The following DLGAP2 variants were observed in gnomAD, a reference collection of about 807,000 sequenced individuals.
The protein encoded by DLGAP2 is DLG associated protein 2.
In DLGAP2, 26 loss-of-function variants were observed where a neutral mutation model predicts 100.3. The observed-to-expected ratio is 0.26, with a 90% CI of 0.19 to 0.36. DLGAP2 has a LOEUF of 0.36. DLGAP2 is among the 10% of genes least tolerant of loss of function. The pLI is 1.00. For missense variants in DLGAP2, 1,858 were observed against 1,453.2 expected (o/e 1.28, Z -4.53); for synonymous variants, 886 against 630.1 (o/e 1.41, Z -6.08).
chr8:1,524,724 C>T (rs900075637), intron 4 of DLGAP2, among the ~76,000 whole-genome samples: 3 of 152,272 alleles, frequency 2.0e-5, no homozygotes, highest in Admixed American at 1.3e-4. Context: ...TGACGTCACA[C>T]AGTGAGAGGG....
chr8:1,500,235 C>T (rs1207422842), intron 3 of DLGAP2, among the ~76,000 whole-genome samples: 1 of 152,272 alleles, frequency 6.6e-6, no homozygotes. Context: ...TCCCTGCCCC[C>T]CTCCTCAGGC....
intron 2 of DLGAP2, among the ~76,000 whole-genome samples, chr8:1,107,859 C>G (rs889896578): frequency 2.6e-5 from 4 of 152,192 alleles, no homozygotes; most frequent in African/African-American, 7.2e-5. Flanking sequence ...CCACCCTAAG[C>G]TGACAAATGT....
chr8:1,530,094 AG>A (rs1044321484), intron 4 of DLGAP2, among the ~76,000 whole-genome samples: 8 of 152,200 alleles, frequency 5.3e-5, no homozygotes, highest in Admixed American at 1.3e-4. Context: ...ATCAGGAGAC[AG>A]GGTTTTGAGA....
chr8:1,206,906 C>T (rs760596346), intron 2 of DLGAP2, among the ~76,000 whole-genome samples: 54 of 152,216 alleles, frequency 3.5e-4, no homozygotes, highest in African/African-American at 1.1e-3. Flanking sequence ...CCCCCGGCCC[C>T]GTCTCCATCC....
chr8:768,403 G>A (rs1821268541), intron 1 of DLGAP2, among the ~76,000 whole-genome samples: 1 of 151,272 alleles, frequency 6.6e-6, no homozygotes, highest in Non-Finnish European at 1.5e-5. Context: ...GCATGAACCA[G>A]GAGGGAAGGC....
At chr8:1,408,916 G>T (rs1260955483) in intron 3 of DLGAP2, among the ~76,000 whole-genome samples, 1 of 152,206 alleles carries the variant, frequency 6.6e-6, no homozygotes, top group African/African-American at 2.4e-5. Context: ...ACCCTCCTGG[G>T]CCACAGGGTC....
At chr8:1,133,074 G>T (rs1481452214) in intron 2 of DLGAP2, among the ~76,000 whole-genome samples, 1 of 152,236 alleles carries the variant, frequency 6.6e-6, no homozygotes, top group Non-Finnish European at 1.5e-5. Context: ...GTGAAGGACA[G>T]TTCAAGGGCA....
At chr8:1,328,973 G>A (rs984730046) in intron 3 of DLGAP2, among the ~76,000 whole-genome samples, 1 of 152,234 alleles carries the variant, frequency 6.6e-6, no homozygotes, top group African/African-American at 2.4e-5. Flanking sequence ...TATGAATTAT[G>A]CGTGGAAGGC....
At chr8:1,096,875 G>A (rs1166964236) in intron 2 of DLGAP2, among the ~76,000 whole-genome samples, 9 of 126,146 alleles carry the variant, frequency 7.1e-5, no homozygotes, top group South Asian at 2.6e-4. Context: ...TCTGTGGCAT[G>A]GAGAGGTCTC....
intron 12 of DLGAP2, among the ~76,000 whole-genome samples, chr8:1,689,234 G>T (rs903414747): frequency 6.6e-6 from 1 of 152,150 alleles, no homozygotes; most frequent in Non-Finnish European, 1.5e-5. Context: ...CCTAAACGTA[G>T]AAAGAAACGG....
rs374321807 is a variant in DLGAP2 at position 1,571,815 on chromosome 8, G to C, written c.1442+5921G>C. Among the ~76,000 whole-genome samples, 3 of 131,844 alleles carry C rather than the reference G, an allele frequency of 2.3e-5. No homozygotes were observed. The South Asian group carries it at 8.5e-4, about 37-fold the overall frequency. The allele number at this position is 131,844 out of a possible 152,430, so 86.5% of individuals were successfully genotyped here. A position where few individuals can be genotyped will look rare whatever the true frequency, so the allele number is the denominator to read the frequency against. On this transcript the variant is annotated intron_variant, in intron 6 of 14. Coordinates refer to ENST00000637795, the MANE Select transcript of DLGAP2 (RefSeq NM_001346810.2). ...GGGTGAACTATGGGGCGTCTGATGA[G>C]ATGGAGAGGAGAGAGGGTAAACTGT... is the stretch of plus-strand genomic sequence containing the variant.
intron 2 of DLGAP2, among the ~76,000 whole-genome samples, chr8:1,251,720 T>C (rs1262455077): frequency 6.6e-6 from 1 of 152,250 alleles, no homozygotes; most frequent in Non-Finnish European, 1.5e-5. Context: ...CATACAGCCA[T>C]GTGGCCACGT....
At chr8:1,097,334 C>A (rs561714392) in intron 2 of DLGAP2, among the ~76,000 whole-genome samples, 8 of 123,900 alleles carry the variant, frequency 6.5e-5, no homozygotes, top group African/African-American at 2.6e-4. Context: ...TGGAGGGGAC[C>A]CCTCCAGCGT....
At chr8:1,574,698 G>A (rs1269631045) in intron 6 of DLGAP2, among the ~76,000 whole-genome samples, 1 of 152,194 alleles carries the variant, frequency 6.6e-6, no homozygotes, top group Non-Finnish European at 1.5e-5. Context: ...CACCTTTACT[G>A]TGCTGAGTTG....
chr8:750,691 C>T (rs907734055), intron 1 of DLGAP2, among the ~76,000 whole-genome samples: 2 of 152,338 alleles, frequency 1.3e-5, no homozygotes, highest in Non-Finnish European at 2.9e-5. Context: ...TCTGCCTCCG[C>T]CCTCCCCTGC....
chr8:1,688,314 A>G (rs1799166101), intron 12 of DLGAP2: 1 of 152,264 alleles, frequency 6.6e-6, no homozygotes, highest in African/African-American at 2.4e-5. Flanking sequence ...TGTGAACGGC[A>G]CAAGGCCCCG....
At chr8:1,137,419 C>T (rs553631761) in intron 2 of DLGAP2, 13 of 152,640 alleles carry the variant, frequency 8.5e-5, no homozygotes, top group East Asian at 3.9e-4. Context: ...GTCCCGCTAT[C>T]GGTGCGGCTG....
Position 1,206,803 on chromosome 8 carries a change from C to T in DLGAP2, c.74-52048C>T, listed in dbSNP as rs567248465. 6.6e-5 allele frequency among the ~76,000 whole-genome samples: 10 copies of T among 152,348 alleles called. No homozygotes were observed. The East Asian group carries it at 1.9e-3, about 29-fold the overall frequency. On this transcript the variant is annotated intron_variant, in intron 2 of 14. Transcript: ENST00000637795. ...TGCTACCATTCTTTGTCTGCACCTG[C>T]AGGCTAAGGCTCCACGGGCCCCTCT...
chr8:1,079,489 C>T (rs778593590), intron 2 of DLGAP2, among the ~76,000 whole-genome samples: 3 of 152,118 alleles, frequency 2.0e-5, no homozygotes, highest in Non-Finnish European at 4.4e-5. Context: ...TACTGAGAAA[C>T]AGATGGTATC....
Sources: allele counts gnomAD v4.1 joint callset (sites outside exome capture counted in the v4.1 genomes callset), GRCh38; gene constraint gnomAD v4.1.1; transcripts MANE v1.5; gene names NCBI Gene and HGNC (gene_info 2026-07-23, HGNC 2026-07-21).